Variants in SCFD1 observed in about 807,000 individuals in gnomAD.
The protein encoded by SCFD1 is sec1 family domain containing 1.
Under a neutral mutation model 103.2 loss-of-function variants are expected in SCFD1, and 37 were observed. That is an observed-to-expected ratio of 0.36 (90% confidence interval 0.28 to 0.47). The LOEUF (loss-of-function observed/expected upper bound fraction) is 0.47. SCFD1 is among the 20% of genes least tolerant of loss of function. SCFD1 has a pLI of 1.00. For synonymous variants in SCFD1, 264 were observed against 245.0 expected, an observed-to-expected ratio of 1.08 and a Z score of -0.73; for missense variants, 639 against 761.2, an observed-to-expected ratio of 0.84 and a Z score of 1.89.
chr14:30,705,946 G>A lies in SCFD1; in HGVS notation c.1553+61G>A, dbSNP rs542581892. 3.7e-6 allele frequency: 5 copies of A among 1,348,792 alleles called. No individual in the cohort carries two copies. In the African/African-American group the frequency reaches 7.2e-5, roughly 19 times the overall value. 83.6% of individuals were successfully genotyped at this position (1,348,792 alleles called of 1,614,324 possible). On this transcript the variant is annotated intron_variant, in intron 18 of 24. Coordinates refer to ENST00000458591, the MANE Select transcript of SCFD1 (RefSeq NM_016106.4). ...CTCAAAACCTTACTTAGACTTTCAT[G>A]CCTTAAAAACACAATGTCTGATACT...
chr14:30,659,680 A>C (rs1323381365), intron 10 of SCFD1, among the ~76,000 whole-genome samples: 2 of 152,240 alleles, frequency 1.3e-5, no homozygotes, highest in Non-Finnish European at 2.9e-5. Context: ...CTGATGCTGT[A>C]AAGAATACCT....
chr14:30,658,206 C>G lies in SCFD1; in HGVS notation c.855+4618C>G, dbSNP rs1036959125. The G allele has an allele frequency of 1.2e-5, 5 of 413,632 alleles. No homozygotes were observed. In the Admixed American group the frequency reaches 1.3e-4, roughly 11 times the overall value. 25.6% of individuals were successfully genotyped at this position (413,632 alleles called of 1,614,324 possible). A position where few individuals can be genotyped will look rare whatever the true frequency, so the allele number is the denominator to read the frequency against. ...CAAATCTTAGGTTCTCTTTTTGTAC[C>G]TTTCACCCTCTGCTACTGACTCTTA... On this transcript the variant is annotated intron_variant, in intron 10 of 24. Coordinates refer to ENST00000458591, the MANE Select transcript of SCFD1 (RefSeq NM_016106.4).
chr14:30,659,337 T>G (rs1427756238), intron 10 of SCFD1, among the ~76,000 whole-genome samples: 1 of 152,128 alleles, frequency 6.6e-6, no homozygotes, highest in Non-Finnish European at 1.5e-5. Flanking sequence ...TTTAAGATAT[T>G]AGATGTTTTC....
chr14:30,665,380 C>A (rs1887850952), intron 10 of SCFD1, among the ~76,000 whole-genome samples: 1 of 152,170 alleles, frequency 6.6e-6, no homozygotes, highest in African/African-American at 2.4e-5. Context: ...CTTACAAGAG[C>A]TCCTGAAGGA....
intron 14 of SCFD1, among the ~76,000 whole-genome samples, chr14:30,690,232 C>T (rs374571179): frequency 4.6e-4 from 4 of 8,744 alleles, no homozygotes; most frequent in South Asian, 1.9e-3. Context: ...GACAGGGACA[C>T]TTAAGTCTGC....
At chr14:30,673,880 C>T in intron 12 of SCFD1, 44 bp from the exon 13 acceptor site, 4 of 1,308,218 alleles carry the variant, frequency 3.1e-6, no homozygotes, top group Non-Finnish European at 4.4e-6. Context: ...TATGCTTGTG[C>T]CTGGGATTTT....
At chr14:30,716,011 C>T in intron 20 of SCFD1, 34 bp downstream of exon 20, 1 of 1,228,484 alleles carries the variant, frequency 8.1e-7, no homozygotes, top group Non-Finnish European at 1.2e-6. Context: ...GTGTAAATTC[C>T]CGAATGTGTC....
chr14:30,692,014 A>G (rs1041785486), intron 14 of SCFD1, among the ~76,000 whole-genome samples: 4 of 151,758 alleles, frequency 2.6e-5, no homozygotes, highest in African/African-American at 7.3e-5. Flanking sequence ...CAAACTCCCA[A>G]GGCTCAAGCG....
intron 17 of SCFD1, among the ~76,000 whole-genome samples, chr14:30,702,981 A>G (rs1256465432): frequency 6.6e-6 from 1 of 152,102 alleles, no homozygotes; most frequent in Non-Finnish European, 1.5e-5. Context: ...TTTCTGCAAG[A>G]TAAATACAGT....
chr14:30,705,980 G>A (rs1255135255), intron 18 of SCFD1, 95 bp downstream of exon 18: 7 of 953,746 alleles, frequency 7.3e-6, no homozygotes, highest in East Asian at 5.1e-5. Flanking sequence ...CTTTGAATGC[G>A]GAAAATGTCA....
Position 30,660,153 on chromosome 14 carries a change from T to C in SCFD1, c.855+6565T>C, listed in dbSNP as rs1027356270. On this transcript the variant is annotated intron_variant, in intron 10 of 24. Transcript: ENST00000458591. ...CATCTATACATGGCATTAGTTGATA[T>C]GGCTCTTAAATCTCTCAGTTCCTCC... 3.3e-5 allele frequency among the ~76,000 whole-genome samples: 5 copies of C among 152,238 alleles called. No homozygotes were observed. The East Asian group carries it at 9.6e-4, about 29-fold the overall frequency.
intron 23 of SCFD1, among the ~76,000 whole-genome samples, chr14:30,732,124 A>T (rs1023050411): frequency 5.3e-5 from 8 of 152,220 alleles, no homozygotes; most frequent in African/African-American, 1.7e-4. Flanking sequence ...TGGATTCCTC[A>T]TTCCAAGTGC....
intron 9 of SCFD1, 92 bp downstream of exon 9, chr14:30,650,742 T>C: frequency 1.4e-6 from 1 of 733,652 alleles, no homozygotes; most frequent in Non-Finnish European, 2.3e-6. Context: ...TCCTTGTAAT[T>C]GAAATTTGTT....
intron 19 of SCFD1, among the ~76,000 whole-genome samples, chr14:30,712,270 T>C (rs550636070): frequency 2.6e-5 from 4 of 152,246 alleles, no homozygotes; most frequent in African/African-American, 9.6e-5. Flanking sequence ...CATAGGGCTT[T>C]TTCATTCTCC....
At chr14:30,660,642 T>TA (rs767109439) in intron 10 of SCFD1, among the ~76,000 whole-genome samples, 2 of 152,114 alleles carry the variant, frequency 1.3e-5, no homozygotes, top group Non-Finnish European at 2.9e-5. Context: ...ATCACCTACT[T>TA]AGGACAAATG....
intron 5 of SCFD1, 83 bp downstream of exon 5, chr14:30,638,330 T>G: frequency 6.3e-7 from 1 of 1,577,708 alleles, no homozygotes; most frequent in Non-Finnish European, 8.7e-7. Context: ...CATAGATATC[T>G]ATTTGACAGA....
chr14:30,648,410 T>G (rs897311082), intron 7 of SCFD1, among the ~76,000 whole-genome samples: 1 of 152,228 alleles, frequency 6.6e-6, no homozygotes, highest in African/African-American at 2.4e-5. Context: ...AGTTGGACTT[T>G]TTTTCTATTT....
At chr14:30,627,374 T>TA (rs1476694512) in intron 1 of SCFD1, among the ~76,000 whole-genome samples, 19 of 152,246 alleles carry the variant, frequency 1.2e-4, no homozygotes. Context: ...AATATACTCT[T>TA]ACATAACTAT....
intron 23 of SCFD1, among the ~76,000 whole-genome samples, chr14:30,733,452 G>T (rs961541561): frequency 7.2e-5 from 11 of 152,182 alleles, no homozygotes; most frequent in African/African-American, 2.7e-4. Context: ...GGCTAAAAAC[G>T]ATTAGAAAAG....
Sources: allele counts gnomAD v4.1 joint callset (sites outside exome capture counted in the v4.1 genomes callset), GRCh38; gene constraint gnomAD v4.1.1; transcripts MANE v1.5; gene names NCBI Gene and HGNC (gene_info 2026-07-23, HGNC 2026-07-21).